Variants in SRPK1 observed in about 807,000 individuals in gnomAD.
SRPK1 encodes the protein SRSF protein kinase 1, also known as SFRS protein kinase 1.
A neutral mutation model predicts 89.5 loss-of-function variants in SRPK1; 52 were observed. That is an observed-to-expected ratio of 0.58 (90% confidence interval 0.46 to 0.73). The LOEUF is 0.73. SRPK1 is among the 30% of genes least tolerant of loss of function. The pLI is 0.00. For synonymous variants in SRPK1, 255 were observed against 270.2 expected (o/e 0.94, Z 0.55); for missense variants, 603 against 780.6 (o/e 0.77, Z 2.71).
At chr6:35,851,718 T>C (rs1228414414) in intron 13 of SRPK1, among the ~76,000 whole-genome samples, 1 of 152,102 alleles carries the variant, frequency 6.6e-6, no homozygotes, top group Non-Finnish European at 1.5e-5. Flanking sequence ...AAGCAGACAG[T>C]TGGACATAAA....
At chr6:35,853,467 G>GT (rs915210181) in intron 13 of SRPK1, among the ~76,000 whole-genome samples, 10 of 152,108 alleles carry the variant, frequency 6.6e-5, no homozygotes, top group African/African-American at 2.4e-4. Flanking sequence ...GTGGATTTTG[G>GT]TATCTGCAGG....
chr6:35,917,925 A>C (rs1388084598), intron 2 of SRPK1, among the ~76,000 whole-genome samples: 3 of 152,238 alleles, frequency 2.0e-5, no homozygotes, highest in Non-Finnish European at 4.4e-5. Context: ...CAAAATCAGA[A>C]TTCAAAACCA....
At chr6:35,880,003 G>A (rs1271877989) in intron 6 of SRPK1, among the ~76,000 whole-genome samples, 1 of 150,886 alleles carries the variant, frequency 6.6e-6, no homozygotes, top group Non-Finnish European at 1.5e-5. Context: ...CAAGGCTGAT[G>A]TGAGCTGTGT....
intron 12 of SRPK1, among the ~76,000 whole-genome samples, chr6:35,867,162 A>T (rs1488258746): frequency 3.3e-5 from 5 of 149,634 alleles, no homozygotes; most frequent in Non-Finnish European, 7.4e-5. Context: ...TATACAAATT[A>T]AAAAAAAAAG....
rs139637494 is a variant in SRPK1 at position 35,890,881 on chromosome 6, C to T, written c.193+14G>A. The T allele has an allele frequency of 2.0e-3, 3,058 of 1,544,710 alleles. 69 individuals carry two copies. The South Asian group carries it at 0.024, about 12-fold the overall frequency. On this transcript the variant is annotated intron_variant, in intron 3 of 15. Transcript: ENST00000373825. ...ATGGCTCATGTCTCACTTCATACCT[C>T]TTTATGAACTTACCTTTACAATAAT...
intron 2 of SRPK1, among the ~76,000 whole-genome samples, chr6:35,893,752 G>C (rs567707247): frequency 2.2e-4 from 34 of 152,276 alleles, no homozygotes; most frequent in Admixed American, 2.0e-3. Flanking sequence ...AAGCTGGCCA[G>C]GCACGGTGGC....
At chr6:35,836,785 AATT>A (rs1769189906) in intron 15 of SRPK1, among the ~76,000 whole-genome samples, 1 of 131,328 alleles carries the variant, frequency 7.6e-6, no homozygotes, top group Non-Finnish European at 1.6e-5. Flanking sequence ...TAATAATAAT[AATT>A]TTTTTTAAAC....
chr6:35,857,016 C>T, intron 13 of SRPK1: 2 of 411,116 alleles, frequency 4.9e-6, no homozygotes, highest in Non-Finnish European at 8.7e-6. Context: ...TTATTTCCCC[C>T]CACTAACAAT....
At chr6:35,906,382 G>A (rs530428252) in intron 2 of SRPK1, among the ~76,000 whole-genome samples, 1 of 152,150 alleles carries the variant, frequency 6.6e-6, no homozygotes, top group African/African-American at 2.4e-5. Flanking sequence ...GCACCATCAC[G>A]CCCAGCTGAT....
intron 15 of SRPK1, among the ~76,000 whole-genome samples, chr6:35,835,988 TAC>T (rs1030611748): frequency 3.9e-5 from 6 of 152,266 alleles, no homozygotes; most frequent in East Asian, 1.9e-4. Context: ...CCCCAAATCC[TAC>T]ACAGTTTTCA....
intron 12 of SRPK1, among the ~76,000 whole-genome samples, chr6:35,861,490 G>A (rs1769781879): frequency 6.6e-6 from 1 of 152,188 alleles, no homozygotes; most frequent in Admixed American, 6.5e-5. Flanking sequence ...ACTGCTCTGA[G>A]GAGGAAGAGG....
intron 14 of SRPK1, among the ~76,000 whole-genome samples, chr6:35,841,639 C>T (rs909276335): frequency 1.3e-5 from 2 of 152,156 alleles, no homozygotes; most frequent in East Asian, 1.9e-4. Context: ...AGAGACCATC[C>T]TGGCCAACAT....
chr6:35,839,767 C>T (rs915779982), intron 14 of SRPK1, among the ~76,000 whole-genome samples: 3 of 151,850 alleles, frequency 2.0e-5, no homozygotes, highest in African/African-American at 7.3e-5. Context: ...GCAACCTCCA[C>T]TTCCTGGGTT....
In SRPK1 at chr6:35,869,617, C is replaced by T. The variant is rs1460012371; in HGVS notation, c.1276G>A (p.Val426Met). The T allele has an allele frequency of 6.2e-7, 1 of 1,613,948 alleles. No homozygotes were observed. The highest frequency in any genetic ancestry group is 8.5e-7 in the Non-Finnish European group (1 of 1,179,870). Residue 426 changes from valine to methionine, a missense_variant, in exon 11 of 16, where the codon GTG becomes ATG. Val to Met is a conservative substitution (Grantham distance 21, BLOSUM62 1). Transcript: ENST00000373825. ...CCTACAGTTGAGGAAGACTGGCACA[C>T]CATGGTGTCTGACACCTCAGATGTT... The part of the protein sequence containing the change: ...PITSEVSDTM[V>M]CQSSSTVGQS...
chr6:35,917,178 G>A (rs1771128278), intron 2 of SRPK1, among the ~76,000 whole-genome samples: 1 of 152,206 alleles, frequency 6.6e-6, no homozygotes, highest in Non-Finnish European at 1.5e-5. Flanking sequence ...TGTTCAGAGG[G>A]AGATAGATGA....
At chr6:35,911,761 T>C (rs773213123) in intron 2 of SRPK1, among the ~76,000 whole-genome samples, 19 of 151,744 alleles carry the variant, frequency 1.3e-4, no homozygotes, top group South Asian at 6.2e-4. Flanking sequence ...GAATCTACTA[T>C]TGGTAAAGAT....
chr6:35,850,528 T>C (rs781204739), intron 13 of SRPK1, among the ~76,000 whole-genome samples: 7 of 152,206 alleles, frequency 4.6e-5, no homozygotes, highest in Non-Finnish European at 7.4e-5. Context: ...TGTTACTAAA[T>C]ACATTCTACC....
At chr6:35,835,593 A>G in intron 15 of SRPK1, 105 bp from the exon 16 acceptor site, 1 of 1,021,426 alleles carries the variant, frequency 9.8e-7, no homozygotes, top group South Asian at 2.5e-5. Context: ...TGAGGAATCA[A>G]ATTTTGCAAT....
intron 12 of SRPK1, among the ~76,000 whole-genome samples, chr6:35,868,256 T>A (rs1363138514): frequency 1.3e-5 from 2 of 152,176 alleles, no homozygotes; most frequent in Non-Finnish European, 2.9e-5. Flanking sequence ...AGTGCTGGGA[T>A]TACAGGCATG....
Sources: gnomAD v4.1 joint callset for allele counts (sites outside exome capture counted in the v4.1 genomes callset) on GRCh38, gnomAD v4.1.1 for gene constraint, MANE v1.5 for transcripts, NCBI Gene and HGNC (gene_info 2026-07-23, HGNC 2026-07-21) for gene names.